The following ATP2B1 variants were observed in gnomAD, a reference collection of about 807,000 sequenced individuals.
ATP2B1 encodes ATPase plasma membrane Ca2+ transporting 1.
ATP2B1 carries 14 observed loss-of-function variants against 124.2 expected under a neutral mutation model. That is an observed-to-expected ratio of 0.11 (90% CI 0.07 to 0.18). ATP2B1 has a LOEUF of 0.18. Ranked by LOEUF, ATP2B1 falls within the 10% of genes least tolerant of loss-of-function variation. The pLI, the probability that ATP2B1 is intolerant of heterozygous loss-of-function variation, is 1.00. For missense variants in ATP2B1, 763 were observed against 1,466.1 expected (o/e 0.52, Z 7.83); for synonymous variants, 449 against 492.4 (o/e 0.91, Z 1.17).
intron 1 of ATP2B1, among the ~76,000 whole-genome samples, chr12:89,707,029 AT>A (rs988918893): frequency 1.1e-4 from 17 of 148,674 alleles, no homozygotes; most frequent in African/African-American, 2.7e-4. Context: ...TAAAAAAAAA[AT>A]GTTTCTATTT....
chr12:89,598,436 AACG>A (rs2135906637), intron 20 of ATP2B1, among the ~76,000 whole-genome samples: 1 of 152,246 alleles, frequency 6.6e-6, no homozygotes, highest in East Asian at 1.9e-4. Context: ...ATAAAACAAC[AACG>A]ACAACACTTT....
At chr12:89,606,103 GTAAGTCAC>G (rs1876807636) in intron 15 of ATP2B1, among the ~76,000 whole-genome samples, 2 of 782 alleles carry the variant, frequency 2.6e-3, no homozygotes, top group South Asian at 0.12. Context: ...TACAGTCACA[GTAAGTCAC>G]AGTAAGGACT....
At chr12:89,658,316 A>G (rs1239958713) in intron 1 of ATP2B1, among the ~76,000 whole-genome samples, 1 of 152,120 alleles carries the variant, frequency 6.6e-6, no homozygotes, top group Non-Finnish European at 1.5e-5. Context: ...TAGAGAAACT[A>G]GACATATGTA....
At chr12:89,606,142 T>C (rs1208935747) in intron 15 of ATP2B1, among the ~76,000 whole-genome samples, 1 of 152,176 alleles carries the variant, frequency 6.6e-6, no homozygotes, top group East Asian at 1.9e-4. Context: ...CAAATCTAAA[T>C]TATGATATAA....
At position 89,589,967 on chromosome 12, in the gene ATP2B1, G is replaced by C. The variant is rs537514187; in HGVS notation, c.*1017C>G. 6.6e-6 allele frequency: 1 copy of C among 152,538 alleles called. No homozygotes were observed. Among genetic ancestry groups the C allele is most frequent in the East Asian group, 1.9e-4 (1 of 5,178 alleles). The allele number at this position is 152,538 out of a possible 1,614,324, so 9.4% of individuals were successfully genotyped here. A position where few individuals can be genotyped will look rare whatever the true frequency, so the allele number is the denominator to read the frequency against. Reference sequence around the variant, plus strand: ...GAAAAATCAATACAGTTCACTCACAGTTCACCAAGACATCACTAAACTAAC... The same window carrying C: ...GAAAAATCAATACAGTTCACTCACACTTCACCAAGACATCACTAAACTAAC... On this transcript the variant is annotated 3_prime_UTR_variant, in exon 21 of 21. Coordinates refer to ENST00000428670, the MANE Select transcript of ATP2B1 (RefSeq NM_001366521.1).
At chr12:89,688,890 T>A (rs1325828134) in intron 1 of ATP2B1, among the ~76,000 whole-genome samples, 1 of 152,106 alleles carries the variant, frequency 6.6e-6, no homozygotes, top group African/African-American at 2.4e-5. Context: ...AAAATATTGG[T>A]TTTGCCATCC....
intron 1 of ATP2B1, among the ~76,000 whole-genome samples, chr12:89,678,593 A>G (rs139171442): frequency 1.3e-5 from 2 of 152,180 alleles, no homozygotes; most frequent in Admixed American, 1.3e-4. Flanking sequence ...AATGGGATAC[A>G]GCTTCAAGAC....
At chr12:89,624,154 C>T in intron 9 of ATP2B1, 29 bp downstream of exon 9, 1 of 1,596,060 alleles carries the variant, frequency 6.3e-7, no homozygotes, top group Non-Finnish European at 8.6e-7. Flanking sequence ...TTAAACATAA[C>T]AACGTCTACT....
At chr12:89,676,452 T>C (rs1340847140) in intron 1 of ATP2B1, among the ~76,000 whole-genome samples, 1 of 152,092 alleles carries the variant, frequency 6.6e-6, no homozygotes, top group African/African-American at 2.4e-5. Context: ...TCGCTACACA[T>C]ATATATAATA....
Position 89,649,238 on chromosome 12 carries a change from C to T in ATP2B1, c.208+6441G>A, listed in dbSNP as rs12312686. ...CAGTAGAGCCACTGGCAGTTTGCAT[C>T]CTAAGCCTAGAAAGCCTCAATCACT... On this transcript the variant is annotated intron_variant, in intron 2 of 20. Coordinates refer to ENST00000428670, the MANE Select transcript of ATP2B1 (RefSeq NM_001366521.1). Among the ~76,000 whole-genome samples, 1,219 of 152,352 alleles carry T rather than the reference C, an allele frequency of 8.0e-3. 15 individuals carry two copies. The highest frequency in any genetic ancestry group is 0.028 in the African/African-American group (1,165 of 41,578).
At chr12:89,602,659 T>C (rs1323836562) in intron 18 of ATP2B1, among the ~76,000 whole-genome samples, 5 of 152,332 alleles carry the variant, frequency 3.3e-5, no homozygotes, top group South Asian at 4.1e-4. Flanking sequence ...GAATTCAATA[T>C]GTATTTGTAC....
chr12:89,667,907 C>CA (rs898829204), intron 1 of ATP2B1, among the ~76,000 whole-genome samples: 1 of 152,050 alleles, frequency 6.6e-6, no homozygotes, highest in East Asian at 1.9e-4. Context: ...CATATGGAAC[C>CA]AAAAAAGAAT....
chr12:89,677,962 A>ATATATG (rs1175567131), intron 1 of ATP2B1, among the ~76,000 whole-genome samples: 9 of 97,664 alleles, frequency 9.2e-5, no homozygotes, highest in East Asian at 2.8e-4. Flanking sequence ...AATTATATAT[A>ATATATG]TATATATATA....
chr12:89,610,054 A>C lies in ATP2B1; in HGVS notation c.2336-11T>G. 6.2e-7 allele frequency: 1 copy of C among 1,602,238 alleles called. No individual in the cohort carries two copies. Among genetic ancestry groups the C allele is most frequent in the Non-Finnish European group, 8.5e-7 (1 of 1,170,714 alleles). Reference sequence around the variant, plus strand: ...TGCTGTCAATTATACCTTAAATACAAGCAAATATTTGTGTTATAAAAACAT... The same window carrying C: ...TGCTGTCAATTATACCTTAAATACACGCAAATATTTGTGTTATAAAAACAT... On this transcript the variant is annotated splice_polypyrimidine_tract_variant and intron_variant, in intron 14 of 20. Coordinates refer to ENST00000428670, the MANE Select transcript of ATP2B1 (RefSeq NM_001366521.1).
At chr12:89,639,074 AT>A in intron 3 of ATP2B1, among the ~76,000 whole-genome samples, 2 of 152,334 alleles carry the variant, frequency 1.3e-5, no homozygotes, top group African/African-American at 4.8e-5. Context: ...ATCAAGTAAT[AT>A]TAGGAAGACA....
chr12:89,604,084 T>A (rs889263218), intron 16 of ATP2B1, 71 bp downstream of exon 16: 52 of 1,476,978 alleles, frequency 3.5e-5, no homozygotes, highest in Non-Finnish European at 4.4e-5. Context: ...TATTAAGTAT[T>A]TTTTAAGAGG....
At position 89,677,965 on chromosome 12, in the gene ATP2B1, T is replaced by C. The variant is rs866898310; in HGVS notation, c.-221-21858A>G. ...GGGGCATGCAGGAATTATATATATA[T>C]ATATATACACACACACACACACACA... On this transcript the variant is annotated intron_variant, in intron 1 of 20. Transcript: ENST00000428670. Among the ~76,000 whole-genome samples, 808 of 111,980 alleles carry C rather than the reference T, an allele frequency of 7.2e-3. 14 individuals carry two copies. Among genetic ancestry groups the C allele is most frequent in the East Asian group, 0.015 (55 of 3,758 alleles). 73.5% of individuals were successfully genotyped at this position (111,980 alleles called of 152,430 possible). A position where few individuals can be genotyped will look rare whatever the true frequency, so the allele number is the denominator to read the frequency against.
chr12:89,640,236 A>G lies in ATP2B1; in HGVS notation c.406+1922T>C, dbSNP rs545230333. Among the ~76,000 whole-genome samples, 25 of 152,294 alleles carry G rather than the reference A, an allele frequency of 1.6e-4. No individual in the cohort carries two copies. The East Asian group carries it at 3.9e-3, about 23-fold the overall frequency. ...CCCCCACCCCCATTATTTTTTTTAA[A>G]CAGTAAAATAGGTACTACTTATTTA... is the stretch of plus-strand genomic sequence containing the variant. On this transcript the variant is annotated intron_variant, in intron 3 of 20. Transcript: ENST00000428670.
chr12:89,695,077 G>T (rs1300169735), intron 1 of ATP2B1, among the ~76,000 whole-genome samples: 1 of 74,062 alleles, frequency 1.4e-5, no homozygotes, highest in Non-Finnish European at 3.1e-5. Flanking sequence ...AAAAAGAAAA[G>T]AATTATAAGA....
Sources: allele counts gnomAD v4.1 joint callset (sites outside exome capture counted in the v4.1 genomes callset), GRCh38; gene constraint gnomAD v4.1.1; transcripts MANE v1.5; gene names NCBI Gene and HGNC (gene_info 2026-07-23, HGNC 2026-07-21).